Variants in TAF6 observed in about 807,000 individuals in gnomAD.
TAF6 encodes the protein transcription initiation factor TFIID subunit 6.
TAF6 carries 50 observed loss-of-function variants against 73.5 expected under a neutral mutation model. The observed-to-expected ratio is 0.68, with a 90% CI of 0.54 to 0.86. The LOEUF (loss-of-function observed/expected upper bound fraction) is 0.86, where lower values mean the gene tolerates loss of function less well. TAF6 is among the 40% of genes least tolerant of loss of function. The probability of loss-of-function intolerance (pLI) is 0.00; values close to 1 mark genes in which losing one functional copy is unlikely to be tolerated. For synonymous variants in TAF6, 424 were observed against 376.7 expected (o/e 1.13, Z -1.45); for missense variants, 768 against 899.5 (o/e 0.85, Z 1.87).
chr7:100,119,086 G>A lies in TAF6; in HGVS notation c.-60+118C>T, dbSNP rs1189757411. Reference sequence around the variant, plus strand: ...TAAGCGAGATCCCAGCAGAGAAGCAGGTCGAAGATCCCCGGGCAGCGCGAA... The same window carrying A: ...TAAGCGAGATCCCAGCAGAGAAGCAAGTCGAAGATCCCCGGGCAGCGCGAA... On this transcript the variant is annotated intron_variant, in intron 1 of 14. Coordinates refer to ENST00000453269, the MANE Select transcript of TAF6 (RefSeq NM_139315.3). 4 of 986,380 alleles carry A rather than the reference G, an allele frequency of 4.1e-6. No homozygotes were observed. In the African/African-American group the frequency reaches 5.2e-5, roughly 13 times the overall value. 61.1% of individuals were successfully genotyped at this position (986,380 alleles called of 1,614,324 possible). A position where few individuals can be genotyped will look rare whatever the true frequency, so the allele number is the denominator to read the frequency against.
intron 1 of TAF6, among the ~76,000 whole-genome samples, chr7:100,117,870 G>C (rs1797797923): frequency 6.6e-6 from 1 of 151,328 alleles, no homozygotes; most frequent in Non-Finnish European, 1.5e-5. Flanking sequence ...GTGAAACCTC[G>C]TCTCTACTAA....
At chr7:100,121,137 T>A (rs1158672854), upstream of TAF6, 24 of 106,500 alleles carry the variant, frequency 2.3e-4, no homozygotes, top group South Asian at 3.9e-4. Context: ...TTTTTTTTTT[T>A]TTTTTTTTTT....
rs770429821 is a variant in TAF6 at position 100,108,486 on chromosome 7, C to T, written c.1339G>A (p.Ala447Thr). The T allele has an allele frequency of 1.4e-5, 23 of 1,613,790 alleles. No homozygotes were observed. The highest frequency in any genetic ancestry group is 3.3e-5 in the Admixed American group (2 of 60,008). ...AGGGACCCGAATTCTGCCCGATAGG[C>T]GTCCTGATTGTCAGGCGGTGGGCGC... ...KLRPPPDNQD[A>T]YRAEFGSLGP... is the part of the protein sequence containing the mutation. Residue 447 changes from alanine (A) to threonine (T), a missense_variant, in exon 13 of 15, where the codon GCC becomes ACC. Physicochemically the swap from Ala to Thr is moderately conservative, Grantham distance 58. Transcript: ENST00000453269.
chr7:100,107,957 G>A lies in TAF6; in HGVS notation c.1625C>T (p.Ser542Leu). ...SPPPTKFIVM[S>L]SSSSAPSTQQ... ...GGTGGATGGGGCGCTGGAGGACGAT[G>A]ACATTACAATAAACTTGGTTGGAGG... Residue 542 changes from serine to leucine, a missense_variant, in exon 14 of 15, where the codon TCA becomes TTA. By Grantham distance (145) the Ser-to-Leu change is moderately radical. Coordinates refer to ENST00000453269, the MANE Select transcript of TAF6 (RefSeq NM_139315.3). 2 of 1,613,788 alleles carry A rather than the reference G, an allele frequency of 1.2e-6. No homozygotes were observed. Among genetic ancestry groups the A allele is most frequent in the Non-Finnish European group, 1.7e-6 (2 of 1,179,794 alleles).
chr7:100,117,936 G>A (rs1052633515), intron 1 of TAF6, among the ~76,000 whole-genome samples: 6 of 152,010 alleles, frequency 3.9e-5, no homozygotes, highest in Admixed American at 2.0e-4. Flanking sequence ...CCTGCTACTC[G>A]GGAGGCTGCT....
intron 1 of TAF6, chr7:100,116,772 A>G (rs1215780307): frequency 6.6e-6 from 1 of 152,178 alleles, no homozygotes; most frequent in Non-Finnish European, 1.5e-5. Flanking sequence ...AGACACATAC[A>G]TTCCTTCTGG....
Position 100,107,606 on chromosome 7 carries a change from G to A in TAF6, c.1674C>T (p.Thr558=), listed in dbSNP as rs369372138. The change falls in exon 15 of 15, where the codon ACC becomes ACT. Residue 558 remains threonine (T), a synonymous_variant. Coordinates refer to ENST00000453269, the MANE Select transcript of TAF6 (RefSeq NM_139315.3). ...PSTQQVLSLS[T]SAPGSGSTTT... ...TGGTGGAACCTGAGCCGGGGGCCGA[G>A]GTGCTGAGGGACAGGACCTGGATAG... The A allele has an allele frequency of 2.5e-6, 4 of 1,613,060 alleles. No homozygotes were observed. Among genetic ancestry groups the A allele is most frequent in the African/African-American group, 2.7e-5 (2 of 74,882 alleles).
the TAF6 span, chr7:100,126,634 A>T: frequency 6.6e-6 from 1 of 152,240 alleles, no homozygotes; most frequent in Admixed American, 6.5e-5. Context: ...GTCTCCAAAA[A>T]AAAAGAGAAA....
At chr7:100,107,851 ACTC>A in intron 14 of TAF6, 72 bp downstream of exon 14, 1 of 1,516,056 alleles carries the variant, frequency 6.6e-7, no homozygotes, top group Non-Finnish European at 8.9e-7. Flanking sequence ...ACTGTGCTCT[ACTC>A]CTGGGCCTCC....
At chr7:100,109,280 G>A (rs1403600798) in intron 12 of TAF6, among the ~76,000 whole-genome samples, 2 of 150,486 alleles carry the variant, frequency 1.3e-5, no homozygotes, top group Non-Finnish European at 3.0e-5. Context: ...GCCTGAGATC[G>A]CACCACTGCA....
In TAF6 at chr7:100,107,426, T is replaced by C. The variant is rs201480685; in HGVS notation, c.1854A>G (p.Lys618=). The change falls in exon 15 of 15, where the codon AAA becomes AAG. Residue 618 remains lysine (K), a synonymous_variant. Transcript: ENST00000453269. The part of the protein sequence containing the change: ...VVSLPPTGEG[K]GGPTSHPSPV... ...GAGAAGGATGGGAGGTGGGGCCTCCTTTGCCCTCCCCTGTTGGGGGAAGTG... is the reference window on the plus strand; with the variant it reads ...GAGAAGGATGGGAGGTGGGGCCTCCCTTGCCCTCCCCTGTTGGGGGAAGTG... The C allele has an allele frequency of 3.0e-5, 48 of 1,610,082 alleles. No individual in the cohort carries two copies. Among genetic ancestry groups the C allele is most frequent in the Non-Finnish European group, 5.9e-6 (7 of 1,177,290 alleles).
upstream of TAF6, chr7:100,119,673 G>GAAA: frequency 6.2e-7 from 1 of 1,612,254 alleles, no homozygotes; most frequent in South Asian, 1.1e-5. Flanking sequence ...AGCCGCCTGG[G>GAAA]AATTTAAGGG....
At chr7:100,124,973 G>A in the TAF6 span, 1 of 1,470,686 alleles carries the variant, frequency 6.8e-7, no homozygotes, top group Non-Finnish European at 9.1e-7. Context: ...AGCTTTCAGG[G>A]TGTGTTTATG....
upstream of TAF6, chr7:100,119,718 G>T: frequency 1.2e-6 from 2 of 1,614,078 alleles, no homozygotes; most frequent in Admixed American, 1.7e-5. Flanking sequence ...AAGGCAAGCG[G>T]TGATTGTTTG....
intron 1 of TAF6, 56 bp from the exon 2 acceptor site, chr7:100,114,324 G>T: frequency 6.5e-7 from 1 of 1,544,592 alleles, no homozygotes. Flanking sequence ...CAGGGAGAGG[G>T]CCAACAAAGG....
At position 100,113,293 on chromosome 7, in the gene TAF6, G is replaced by C. The variant is rs1322385973; in HGVS notation, c.454+56C>G. On this transcript the variant is annotated intron_variant, in intron 5 of 14. Coordinates refer to ENST00000453269, the MANE Select transcript of TAF6 (RefSeq NM_139315.3). ...GTGAGACTCTGTCTCAAAAAAAAAA[G>C]GTGGAAGGAAGGGGAAAGGGACCCA... The C allele has an allele frequency of 4.1e-6, 6 of 1,462,110 alleles. No homozygotes were observed. In the South Asian group the frequency reaches 8.0e-5, roughly 19 times the overall value. The allele number at this position is 1,462,110 out of a possible 1,614,324, so 90.6% of individuals were successfully genotyped here.
upstream of TAF6, among the ~76,000 whole-genome samples, chr7:100,124,012 C>G (rs1377142712): frequency 6.6e-6 from 1 of 151,902 alleles, no homozygotes; most frequent in Non-Finnish European, 1.5e-5. Flanking sequence ...TGGCATGCAT[C>G]TGTAGTCCCA....
chr7:100,122,100 T>C (rs1033236274), upstream of TAF6: 4 of 736,462 alleles, frequency 5.4e-6, no homozygotes, highest in East Asian at 5.8e-5. Flanking sequence ...AGCAGGAAGA[T>C]TGCCACACAG....
the TAF6 span, chr7:100,125,364 G>A: frequency 1.9e-5 from 3 of 158,644 alleles, no homozygotes; most frequent in Non-Finnish European, 4.2e-5. Context: ...ATGGGACACT[G>A]GGTCATGGCC....
Sources: allele counts gnomAD v4.1 joint callset (sites outside exome capture counted in the v4.1 genomes callset), GRCh38; gene constraint gnomAD v4.1.1; transcripts MANE v1.5; gene names NCBI Gene and HGNC (gene_info 2026-07-23, HGNC 2026-07-21).